The following PATJ variants were observed in gnomAD, a reference collection of about 807,000 sequenced individuals.
PATJ encodes the protein inaD-like protein.
In PATJ, 190 loss-of-function variants were observed where a neutral mutation model predicts 224.9. That is an observed-to-expected ratio of 0.84 (90% CI 0.75 to 0.95). PATJ has a LOEUF of 0.95. Ranked by LOEUF, PATJ falls within the 40% of genes least tolerant of loss-of-function variation. PATJ has a pLI of 0.00. For missense variants in PATJ, 2,121 were observed against 2,270.3 expected (o/e 0.93, Z 1.34); for synonymous variants, 769 against 820.3 (o/e 0.94, Z 1.07).
rs183536586 is a variant in PATJ at position 61,808,414 on chromosome 1, A to T, written c.1627-60A>T. 80 of 977,068 alleles carry T rather than the reference A, an allele frequency of 8.2e-5. No homozygotes were observed. In the Admixed American group the frequency reaches 1.4e-3, roughly 18 times the overall value. 60.5% of individuals were successfully genotyped at this position (977,068 alleles called of 1,614,324 possible). A position where few individuals can be genotyped will look rare whatever the true frequency, so the allele number is the denominator to read the frequency against. ...TAGGTTTTACAGATATTTTCAGAAA[A>T]TGTAGGAGGAAATACAGTTATGCTT... is the stretch of plus-strand genomic sequence containing the variant. On this transcript the variant is annotated intron_variant, in intron 13 of 43. Transcript: ENST00000642238.
At position 62,119,663 on chromosome 1, in the gene PATJ, C is replaced by T. The variant is rs537506916; in HGVS notation, c.4891-1518C>T. Reference sequence around the variant, plus strand: ...TGTACTTTTATAAACGTCTTGGGGCCGGGCGTGGTGGCTCACATCTGTAAT... The same window carrying T: ...TGTACTTTTATAAACGTCTTGGGGCTGGGCGTGGTGGCTCACATCTGTAAT... On this transcript the variant is annotated intron_variant, in intron 37 of 43. Transcript: ENST00000642238. 1.1e-4 allele frequency among the ~76,000 whole-genome samples: 16 copies of T among 152,184 alleles called. No homozygotes were observed. In the East Asian group the frequency reaches 1.4e-3, roughly 13 times the overall value.
At chr1:61,760,438 C>G (rs1235243172) in intron 1 of PATJ, among the ~76,000 whole-genome samples, 2 of 152,060 alleles carry the variant, frequency 1.3e-5, no homozygotes, top group Admixed American at 6.6e-5. Flanking sequence ...GTGTGTATCA[C>G]TAGTAAAAAT....
In PATJ at chr1:62,161,848, A is replaced by G. The variant is rs1000134628; in HGVS notation, c.*794A>G. 4 of 152,268 alleles carry G rather than the reference A, an allele frequency of 2.6e-5. No homozygotes were observed. Among genetic ancestry groups the G allele is most frequent in the African/African-American group, 9.6e-5 (4 of 41,468 alleles). 9.4% of individuals were successfully genotyped at this position (152,268 alleles called of 1,614,324 possible). A position where few individuals can be genotyped will look rare whatever the true frequency, so the allele number is the denominator to read the frequency against. ...TGCTAATTGTCTCTTCAAGTAAGCA[A>G]GAAAACATTAGCAGTGTAATTAATT... On this transcript the variant is annotated 3_prime_UTR_variant, in exon 44 of 44. Coordinates refer to ENST00000642238, the MANE Select transcript of PATJ (RefSeq NM_001350145.3).
chr1:61,878,664 G>A (rs1450468854), intron 21 of PATJ, among the ~76,000 whole-genome samples: 2 of 150,824 alleles, frequency 1.3e-5, no homozygotes, highest in East Asian at 2.0e-4. Flanking sequence ...GGCAACATAG[G>A]GAGACCCCAT....
At chr1:61,839,279 T>C (rs990331826) in intron 17 of PATJ, among the ~76,000 whole-genome samples, 33 of 152,212 alleles carry the variant, frequency 2.2e-4, no homozygotes, top group Non-Finnish European at 4.1e-4. Flanking sequence ...TGTGAAAAAT[T>C]TCATATCTTA....
chr1:62,100,298 A>G (rs1661987588), intron 33 of PATJ: 1 of 706,788 alleles, frequency 1.4e-6, no homozygotes, highest in Admixed American at 2.0e-5. Context: ...TATTAAAAAA[A>G]GAATTGTATT....
At chr1:61,876,924 C>T (rs1293728327) in intron 21 of PATJ, among the ~76,000 whole-genome samples, 1 of 152,126 alleles carries the variant, frequency 6.6e-6, no homozygotes, top group East Asian at 1.9e-4. Context: ...TTTAAATTTG[C>T]ATAATTAATA....
intron 27 of PATJ, among the ~76,000 whole-genome samples, chr1:61,987,031 CAA>C (rs1184443240): frequency 6.6e-6 from 1 of 151,808 alleles, no homozygotes; most frequent in African/African-American, 2.4e-5. Context: ...CTGTGTCTCT[CAA>C]GTTTGACATC....
chr1:61,876,943 AT>A (rs1384524908), intron 21 of PATJ, among the ~76,000 whole-genome samples: 2 of 152,252 alleles, frequency 1.3e-5, no homozygotes, highest in African/African-American at 4.8e-5. Flanking sequence ...TAATGTAATT[AT>A]TGACATTATT....
At chr1:62,064,399 G>A (rs1026941716) in intron 31 of PATJ, among the ~76,000 whole-genome samples, 2 of 150,820 alleles carry the variant, frequency 1.3e-5, no homozygotes, top group African/African-American at 4.9e-5. Context: ...CACAATCTCA[G>A]CTCACTGCAA....
intron 22 of PATJ, among the ~76,000 whole-genome samples, chr1:61,896,142 C>A (rs966721854): frequency 6.6e-6 from 1 of 152,018 alleles, no homozygotes; most frequent in African/African-American, 2.4e-5. Context: ...ACTAAAAATA[C>A]AAAAATTAGC....
At chr1:61,941,494 T>C (rs1677813848) in intron 27 of PATJ, among the ~76,000 whole-genome samples, 1 of 151,930 alleles carries the variant, frequency 6.6e-6, no homozygotes. Context: ...CTACAAAAAG[T>C]ACAAAAATTA....
chr1:62,082,624 A>G (rs1659424335), intron 32 of PATJ, among the ~76,000 whole-genome samples: 1 of 152,162 alleles, frequency 6.6e-6, no homozygotes, highest in African/African-American at 2.4e-5. Context: ...TGGGCCACAC[A>G]ACCGCTATTG....
rs1180721920 is a variant in PATJ at position 61,908,487 on chromosome 1, G to A, written c.3492+5G>A. The A allele has an allele frequency of 1.3e-6, 2 of 1,589,802 alleles. No individual in the cohort carries two copies. Among genetic ancestry groups the A allele is most frequent in the Non-Finnish European group, 1.7e-6 (2 of 1,158,228 alleles). ...AGTTTGTCATCCACTCCACGAGTAA[G>A]TTTTAGTTCATATTTTCAAAAAGTT... On this transcript the variant is annotated splice_donor_5th_base_variant and intron_variant, in intron 25 of 43. Coordinates refer to ENST00000642238, the MANE Select transcript of PATJ (RefSeq NM_001350145.3).
chr1:61,983,702 T>C (rs1644575267), intron 27 of PATJ, among the ~76,000 whole-genome samples: 1 of 152,048 alleles, frequency 6.6e-6, no homozygotes, highest in South Asian at 2.1e-4. Flanking sequence ...CCAGACACTG[T>C]TGTGGGTACA....
intron 1 of PATJ, among the ~76,000 whole-genome samples, chr1:61,756,637 G>T (rs1490351149): frequency 6.8e-6 from 1 of 146,568 alleles, no homozygotes; most frequent in Non-Finnish European, 1.5e-5. Context: ...GGAGTGCAGT[G>T]GCATGATCTC....
rs1658906248 is a variant in PATJ at position 62,079,512 on chromosome 1, AC to A, written c.4190del (p.Pro1397HisfsTer2). The A allele has an allele frequency of 1.2e-6, 2 of 1,613,806 alleles. No homozygotes were observed. Among genetic ancestry groups the A allele is most frequent in the African/African-American group, 2.7e-5 (2 of 74,942 alleles). On this transcript the variant is annotated frameshift_variant, in exon 32 of 44. Coordinates refer to ENST00000642238, the MANE Select transcript of PATJ (RefSeq NM_001350145.3). LOFTEE classifies it high-confidence loss of function. ...AAGTCTCCTTCAGTTCACAAGAGAT[AC>A]CATTAGCACCAGCTTCATCATACCA... ...TKVSFSSQEI[P>X]LAPASSYHST...
At chr1:62,160,515 G>A (rs558301152) in intron 43 of PATJ, among the ~76,000 whole-genome samples, 15 of 152,242 alleles carry the variant, frequency 9.9e-5, no homozygotes, top group Admixed American at 9.2e-4. Flanking sequence ...GTATAATGGT[G>A]GTATTTGCAG....
Position 62,129,268 on chromosome 1 carries a change from T to G in PATJ, c.5271+323T>G, listed in dbSNP as rs192787372. 5.9e-5 allele frequency among the ~76,000 whole-genome samples: 9 copies of G among 152,350 alleles called. No homozygotes were observed. In the East Asian group the frequency reaches 1.3e-3, roughly 23 times the overall value. The stretch of plus-strand genomic sequence containing the variant: ...GAATAAGAAATGATTTCTTTTCTTA[T>G]GCCCAAAGACTGTTACTGAACTGCC... On this transcript the variant is annotated intron_variant, in intron 41 of 43. Coordinates refer to ENST00000642238, the MANE Select transcript of PATJ (RefSeq NM_001350145.3).
Sources: gnomAD v4.1 joint callset for allele counts (sites outside exome capture counted in the v4.1 genomes callset) on GRCh38, gnomAD v4.1.1 for gene constraint, MANE v1.5 for transcripts, NCBI Gene and HGNC (gene_info 2026-07-23, HGNC 2026-07-21) for gene names.